The following TUSC3 variants were observed in gnomAD, a reference collection of about 807,000 sequenced individuals.
The protein encoded by TUSC3 is dolichyl-diphosphooligosaccharide--protein glycosyltransferase subunit TUSC3.
TUSC3 carries 45 observed loss-of-function variants against 44.8 expected under a neutral mutation model. The observed-to-expected ratio is 1.00, with a 90% CI of 0.79 to 1.29. The LOEUF (loss-of-function observed/expected upper bound fraction) is 1.29. Among genes scored for constraint, TUSC3 ranks in the 50% most tolerant of loss-of-function variants. The pLI is 0.00. For synonymous variants in TUSC3, 212 were observed against 152.9 expected, an observed-to-expected ratio of 1.39 and a Z score of -2.85; for missense variants, 519 against 437.9, an observed-to-expected ratio of 1.19 and a Z score of -1.65.
At chr8:15,501,699 T>C (rs1042230809) in intron 2 of TUSC3, among the ~76,000 whole-genome samples, 4 of 152,198 alleles carry the variant, frequency 2.6e-5, no homozygotes, top group African/African-American at 9.6e-5. Flanking sequence ...CTTCCATCTT[T>C]CTTCTCCAAC....
intron 1 of TUSC3, among the ~76,000 whole-genome samples, chr8:15,568,775 TAA>T (rs1010043525): frequency 6.7e-6 from 1 of 148,832 alleles, no homozygotes; most frequent in African/African-American, 2.5e-5. Context: ...CTAATTTTTG[TAA>T]AAAAAAAATG....
At chr8:15,754,392 T>C (rs952249115) in intron 9 of TUSC3, among the ~76,000 whole-genome samples, 2 of 152,088 alleles carry the variant, frequency 1.3e-5, no homozygotes, top group African/African-American at 4.8e-5. Flanking sequence ...CAAGACTCTA[T>C]CCTTGACTTC....
In TUSC3 at chr8:15,430,379, A is replaced by G. The variant is rs4599813; in HGVS notation, n.91+13074A>G. 6.4e-3 allele frequency among the ~76,000 whole-genome samples: 973 copies of G among 150,900 alleles called. 40 individuals are homozygous for G. The highest frequency in any genetic ancestry group is 0.023 in the African/African-American group (918 of 40,706). ...ATAAACAGAACCAAAGACAAAAACT[A>G]CATGATTATCTCAATAGATGCAGAA... On this transcript the variant is annotated intron_variant and non_coding_transcript_variant, in intron 1 of 5. Coordinates refer to the TUSC3 transcript ENST00000503191.
chr8:15,694,722 C>T (rs780425881), intron 6 of TUSC3, among the ~76,000 whole-genome samples: 37 of 152,108 alleles, frequency 2.4e-4, no homozygotes, highest in Non-Finnish European at 2.8e-4. Flanking sequence ...TCAGGACTCC[C>T]GAGCTGCATG....
At chr8:15,494,614 G>T (rs550239086) in intron 2 of TUSC3, among the ~76,000 whole-genome samples, 1 of 152,166 alleles carries the variant, frequency 6.6e-6, no homozygotes. Flanking sequence ...ACCGCACCTG[G>T]CCTCTCATTT....
intron 2 of TUSC3, among the ~76,000 whole-genome samples, chr8:15,529,002 T>G (rs1801414460): frequency 6.6e-6 from 1 of 152,314 alleles, no homozygotes; most frequent in Admixed American, 6.5e-5. Context: ...CTTTGAAATT[T>G]TATTTCTTAG....
chr8:15,425,378 T>C (rs1799790738), intron 1 of TUSC3, among the ~76,000 whole-genome samples: 1 of 152,172 alleles, frequency 6.6e-6, no homozygotes. Context: ...CAGATGGATA[T>C]GCAACAAAGT....
chr8:15,475,709 G>T (rs1800566057), intron 1 of TUSC3, among the ~76,000 whole-genome samples: 1 of 152,164 alleles, frequency 6.6e-6, no homozygotes. Context: ...TGGCTTAAGT[G>T]TGTTGTTGTC....
Position 15,718,607 on chromosome 8 carries a change from AAG to A in TUSC3, c.799-12055_799-12054del, listed in dbSNP as rs370068905. ...ATCTTCTAAAGGAGAGAAATATAAA[AAG>A]AGAATAGAACTTCATGGACAAATAA... is the stretch of plus-strand genomic sequence containing the variant. On this transcript the variant is annotated intron_variant, in intron 6 of 10. Transcript: ENST00000503731. 1.5e-3 allele frequency among the ~76,000 whole-genome samples: 233 copies of A among 152,246 alleles called. 2 individuals carry two copies. The highest frequency in any genetic ancestry group is 5.5e-3 in the African/African-American group (227 of 41,568).
intron 2 of TUSC3, among the ~76,000 whole-genome samples, chr8:15,519,608 C>G (rs914394661): frequency 5.3e-5 from 8 of 152,076 alleles, no homozygotes; most frequent in Non-Finnish European, 1.2e-4. Context: ...GTTGTGTACT[C>G]CTTATGAGAA....
In TUSC3 at chr8:15,620,812, C is replaced by T. The variant is rs535337716; in HGVS notation, c.139-2268C>T. On this transcript the variant is annotated intron_variant, in intron 1 of 10. Transcript: ENST00000503731. ...CAGGAGTCTCATTCCTTTCAGCATC[C>T]GTGAAACTGGGGCTGGCTTCTTTGA... 1.6e-4 allele frequency among the ~76,000 whole-genome samples: 25 copies of T among 152,186 alleles called. No individual in the cohort carries two copies. The South Asian group carries it at 3.9e-3, about 24-fold the overall frequency.
chr8:15,573,512 C>T (rs1222329881), intron 1 of TUSC3, among the ~76,000 whole-genome samples: 1 of 151,922 alleles, frequency 6.6e-6, no homozygotes, highest in Admixed American at 6.6e-5. Context: ...TTAGCTGAAC[C>T]TGAACCTAGC....
At chr8:15,849,557 C>A in the TUSC3 span, among the ~76,000 whole-genome samples, 1 of 152,048 alleles carries the variant, frequency 6.6e-6, no homozygotes, top group Non-Finnish European at 1.5e-5. Context: ...AGAAAGCCAC[C>A]AGGAGTTACA....
intron 3 of TUSC3, among the ~76,000 whole-genome samples, chr8:15,655,907 A>G (rs1454588350): frequency 1.3e-5 from 2 of 152,186 alleles, no homozygotes; most frequent in African/African-American, 2.4e-5. Context: ...TTCTGTAGAA[A>G]TAATTAAAAG....
intron 1 of TUSC3, among the ~76,000 whole-genome samples, chr8:15,597,769 G>C (rs1804129882): frequency 6.6e-6 from 1 of 152,036 alleles, no homozygotes; most frequent in Admixed American, 6.6e-5. Context: ...ATATGGCTAA[G>C]TCTTAATTTC....
the TUSC3 span, among the ~76,000 whole-genome samples, chr8:15,805,841 G>A: frequency 2.0e-5 from 3 of 152,106 alleles, no homozygotes; most frequent in African/African-American, 7.2e-5. Context: ...GAGTTAGGGA[G>A]GAGTCCCTCC....
chr8:15,488,232 G>T (rs1034516534), intron 2 of TUSC3, among the ~76,000 whole-genome samples: 1 of 151,796 alleles, frequency 6.6e-6, no homozygotes. Context: ...TTGGCTGTGT[G>T]TGGTGGCTCA....
chr8:15,834,073 A>G, the TUSC3 span, among the ~76,000 whole-genome samples: 28 of 152,072 alleles, frequency 1.8e-4, no homozygotes, highest in South Asian at 8.3e-4. Flanking sequence ...TTATGGTTTT[A>G]TATTTTTCTT....
the TUSC3 span, among the ~76,000 whole-genome samples, chr8:15,819,030 C>A: frequency 6.6e-6 from 1 of 152,098 alleles, no homozygotes; most frequent in Admixed American, 6.6e-5. Context: ...TTGAGACCAG[C>A]CTGGGCAACA....
Sources: gnomAD v4.1 joint callset for allele counts (sites outside exome capture counted in the v4.1 genomes callset) on GRCh38, gnomAD v4.1.1 for gene constraint, MANE v1.5 for transcripts, NCBI Gene and HGNC (gene_info 2026-07-23, HGNC 2026-07-21) for gene names.